Variants in SLC30A7 observed in about 807,000 individuals in gnomAD.
The protein encoded by SLC30A7 is solute carrier family 30 member 7, also known as zinc transporter 7.
A neutral mutation model predicts 46.0 loss-of-function variants in SLC30A7; 35 were observed. The ratio of observed to expected loss-of-function variants is 0.76; its 90% CI spans 0.58 to 1.01. SLC30A7 has a LOEUF of 1.01. SLC30A7 is among the 50% of genes least tolerant of loss of function. SLC30A7 has a pLI of 0.00. For synonymous variants in SLC30A7, 147 were observed against 157.8 expected, an observed-to-expected ratio of 0.93 and a Z score of 0.51; for missense variants, 464 against 451.1, an observed-to-expected ratio of 1.03 and a Z score of -0.26.
chr1:100,926,425 G>A (rs1653309716), intron 8 of SLC30A7, among the ~76,000 whole-genome samples: 1 of 152,048 alleles, frequency 6.6e-6, no homozygotes, highest in Non-Finnish European at 1.5e-5. Flanking sequence ...GAGCAGGCAT[G>A]TAGCGTGGTG....
the SLC30A7 span, chr1:100,992,802 T>C: frequency 3.5e-6 from 4 of 1,135,360 alleles, no homozygotes; most frequent in Admixed American, 1.8e-5. Context: ...ATGTTATTAA[T>C]GCAATTAGCT....
chr1:100,966,820 A>G (rs779000905), intron 10 of SLC30A7, among the ~76,000 whole-genome samples: 4 of 152,198 alleles, frequency 2.6e-5, no homozygotes, highest in Non-Finnish European at 5.9e-5. Flanking sequence ...TTGGAATAAG[A>G]ATAAGTGGCT....
At chr1:100,896,783 AC>A (rs1449591255) in intron 2 of SLC30A7, 112 bp downstream of exon 2, 2 of 859,996 alleles carry the variant, frequency 2.3e-6, no homozygotes, top group African/African-American at 3.3e-5. Flanking sequence ...TACCTTTGTT[AC>A]CTACCTCTGC....
intron 8 of SLC30A7, among the ~76,000 whole-genome samples, chr1:100,958,644 T>C (rs1242094934): frequency 1.3e-5 from 2 of 152,234 alleles, no homozygotes; most frequent in Admixed American, 1.3e-4. Context: ...CCATATATTA[T>C]TTAAGATTTA....
At chr1:100,950,057 C>T (rs545776192) in intron 8 of SLC30A7, among the ~76,000 whole-genome samples, 51 of 152,222 alleles carry the variant, frequency 3.4e-4, no homozygotes, top group Non-Finnish European at 5.4e-4. Flanking sequence ...GAACCAGGTA[C>T]TTCAGTTGGA....
chr1:100,903,076 G>A (rs191238311), intron 2 of SLC30A7, among the ~76,000 whole-genome samples: 1 of 151,932 alleles, frequency 6.6e-6, no homozygotes, highest in South Asian at 2.1e-4. Flanking sequence ...AACACATTAA[G>A]AAATAAAAAC....
intron 4 of SLC30A7, 34 bp from the exon 5 acceptor site, chr1:100,912,078 T>C (rs187171146): frequency 2.3e-4 from 362 of 1,591,792 alleles, no homozygotes; most frequent in Middle Eastern, 1.0e-3. Flanking sequence ...AGAAATAATA[T>C]CTATGCTATT....
intron 4 of SLC30A7, 33 bp downstream of exon 4, chr1:100,911,183 A>T: frequency 7.2e-7 from 1 of 1,384,782 alleles, no homozygotes; most frequent in Non-Finnish European, 1.0e-6. Flanking sequence ...TCAGTAAATT[A>T]CATTTCTGTA....
At chr1:100,982,993 TAG>T (rs1377378930), downstream of SLC30A7, among the ~76,000 whole-genome samples, 3 of 152,194 alleles carry the variant, frequency 2.0e-5, no homozygotes, top group African/African-American at 4.8e-5. Flanking sequence ...CAATCTTATG[TAG>T]AGTTTTGGCT....
At chr1:100,935,941 A>G (rs1653936435) in intron 8 of SLC30A7, among the ~76,000 whole-genome samples, 1 of 152,146 alleles carries the variant, frequency 6.6e-6, no homozygotes, top group Admixed American at 6.6e-5. Context: ...CCTTGTTCCT[A>G]ATACCACTCT....
chr1:100,972,372 T>C (rs1213331510), intron 10 of SLC30A7: 1 of 216,048 alleles, frequency 4.6e-6, no homozygotes. Context: ...CTTTTTTTTT[T>C]CTGTTAGACT....
intron 6 of SLC30A7, among the ~76,000 whole-genome samples, chr1:100,915,916 A>G (rs1652513605): frequency 6.6e-6 from 1 of 151,922 alleles, no homozygotes; most frequent in South Asian, 2.1e-4. Context: ...CCTTTTCTCT[A>G]CAGCTTTCCC....
chr1:100,941,711 C>T (rs562660900), intron 8 of SLC30A7: 60 of 643,418 alleles, frequency 9.3e-5, no homozygotes, highest in Non-Finnish European at 1.5e-4. Context: ...GGTTCCACAA[C>T]TCTTCCATCC....
chr1:100,992,976 C>T, the SLC30A7 span, among the ~76,000 whole-genome samples: 5 of 152,104 alleles, frequency 3.3e-5, no homozygotes, highest in Non-Finnish European at 4.4e-5. Context: ...GGCAGGAACA[C>T]ATAAAGATAG....
At chr1:100,953,192 C>A in intron 8 of SLC30A7, among the ~76,000 whole-genome samples, 1 of 152,288 alleles carries the variant, frequency 6.6e-6, no homozygotes, top group East Asian at 1.9e-4. Context: ...ACTCATGCTT[C>A]CTGTTAAGCC....
At chr1:100,965,503 C>T (rs1026903977) in intron 9 of SLC30A7, among the ~76,000 whole-genome samples, 17 of 152,156 alleles carry the variant, frequency 1.1e-4, no homozygotes, top group African/African-American at 3.9e-4. Context: ...GTGATTGTTA[C>T]TGTAAATTTC....
intron 8 of SLC30A7, among the ~76,000 whole-genome samples, chr1:100,938,515 T>A (rs2101053894): frequency 6.6e-6 from 1 of 152,230 alleles, no homozygotes; most frequent in East Asian, 1.9e-4. Flanking sequence ...TGCCACAATT[T>A]TTCCAGCTTA....
intron 8 of SLC30A7, among the ~76,000 whole-genome samples, chr1:100,951,534 A>G (rs1654950827): frequency 6.6e-6 from 1 of 152,196 alleles, no homozygotes; most frequent in African/African-American, 2.4e-5. Context: ...ATTACTTCCC[A>G]TAATGCTCCA....
At position 100,912,137 on chromosome 1, in the gene SLC30A7, A is replaced by G; in HGVS notation, c.410A>G (p.His137Arg). Reference sequence around the variant, plus strand: ...AGAGCATTAGCCCCTCCAGATGTCCACCATGAGAGACTGCTTCTTGTTTCC... The same window carrying G: ...AGAGCATTAGCCCCTCCAGATGTCCGCCATGAGAGACTGCTTCTTGTTTCC... ...VERALAPPDV[H>R]HERLLLVSIL... Residue 137 changes from histidine to arginine, a missense_variant, in exon 5 of 11, where the codon CAC becomes CGC. Physicochemically the swap from His to Arg is conservative, Grantham distance 29 (BLOSUM62 0). Transcript: ENST00000357650. The G allele has an allele frequency of 6.2e-7, 1 of 1,613,874 alleles. No individual in the cohort carries two copies. The highest frequency in any genetic ancestry group is 8.5e-7 in the Non-Finnish European group (1 of 1,179,770).
Sources: gnomAD v4.1 joint callset for allele counts (sites outside exome capture counted in the v4.1 genomes callset) on GRCh38, gnomAD v4.1.1 for gene constraint, MANE v1.5 for transcripts, NCBI Gene and HGNC (gene_info 2026-07-23, HGNC 2026-07-21) for gene names.